FNTA: variants seen among roughly 807,000 people sequenced by gnomAD.
FNTA encodes farnesyltransferase, CAAX box, subunit alpha.
FNTA carries 27 observed loss-of-function variants against 55.2 expected under a neutral mutation model. The ratio of observed to expected loss-of-function variants is 0.49; its 90% CI spans 0.36 to 0.67. FNTA has a LOEUF of 0.67. FNTA is among the 30% of genes least tolerant of loss of function. The pLI is 0.00. For missense variants in FNTA, 422 were observed against 464.7 expected (o/e 0.91, Z 0.85); for synonymous variants, 176 against 170.7 (o/e 1.03, Z -0.24).
At chr8:43,082,447 G>A (rs1177344927) in intron 6 of FNTA, 1 of 152,214 alleles carries the variant, frequency 6.6e-6, no homozygotes, top group Non-Finnish European at 1.5e-5. Flanking sequence ...TGGGACGTAA[G>A]TAGAGCTTAG....
chr8:43,072,371 CTT>C, intron 5 of FNTA, 64 bp downstream of exon 5: 1 of 1,261,840 alleles, frequency 7.9e-7, no homozygotes, highest in East Asian at 2.7e-5. Flanking sequence ...TAAAATTACT[CTT>C]AAAGTCTGTT....
intron 4 of FNTA, 85 bp from the exon 5 acceptor site, chr8:43,072,096 C>A (rs1485979137): frequency 1.9e-6 from 2 of 1,070,114 alleles, no homozygotes; most frequent in East Asian, 2.9e-5. Flanking sequence ...TGTGTCCTTT[C>A]ATGTCACCTT....
intron 2 of FNTA, among the ~76,000 whole-genome samples, chr8:43,060,142 G>A (rs1165559262): frequency 6.6e-6 from 1 of 152,112 alleles, no homozygotes; most frequent in East Asian, 1.9e-4. Context: ...TAAGGAGAAG[G>A]TCAGAATATA....
chr8:43,056,415 G>C lies in FNTA; in HGVS notation c.69G>C (p.Pro23=), dbSNP rs763928389. The stretch of plus-strand genomic sequence containing the variant: ...AGCCCGGGCAGCCGGCGCAACCCCC[G>C]CCCCAGCCGCACCCACCGCCGCCCC... ...GGEPGQPAQP[P]PQPHPPPPQQ... Residue 23 remains proline (P), a synonymous_variant, in exon 1 of 9, where the codon CCG becomes CCC. Coordinates refer to ENST00000302279, the MANE Select transcript of FNTA (RefSeq NM_002027.3). The C allele has an allele frequency of 2.0e-5, 30 of 1,521,172 alleles. No individual in the cohort carries two copies. The Admixed American group carries it at 5.2e-4, about 26-fold the overall frequency. The allele number at this position is 1,521,172 out of a possible 1,614,324, so 94.2% of individuals were successfully genotyped here. A position where few individuals can be genotyped will look rare whatever the true frequency, so the allele number is the denominator to read the frequency against.
At chr8:43,060,904 A>G (rs1490627393) in intron 2 of FNTA, among the ~76,000 whole-genome samples, 3 of 152,164 alleles carry the variant, frequency 2.0e-5, no homozygotes, top group African/African-American at 7.2e-5. Flanking sequence ...TTACAACAGG[A>G]TAAGGAGACA....
At chr8:43,065,940 T>A (rs906176280) in intron 3 of FNTA, among the ~76,000 whole-genome samples, 1 of 151,424 alleles carries the variant, frequency 6.6e-6, no homozygotes, top group Non-Finnish European at 1.5e-5. Context: ...ATTTTAAAAC[T>A]CTTTTTCTGT....
At position 43,083,133 on chromosome 8, in the gene FNTA, G is replaced by T; in HGVS notation, c.798G>T (p.Met266Ile). 6.3e-7 allele frequency: 1 copy of T among 1,585,444 alleles called. No homozygotes were observed. Among genetic ancestry groups the T allele is most frequent in the Non-Finnish European group, 8.6e-7 (1 of 1,164,930 alleles). The change falls in exon 7 of 9, where the codon ATG (methionine) becomes ATT (isoleucine). Residue 266 changes from methionine to isoleucine, a missense_variant. By Grantham distance (10) the Met-to-Ile change is conservative. Transcript: ENST00000302279. ...TTTCTTGCAGATACACTCTGGAAAT[G>T]ATTAAACTAGTACCACATAATGAAA... ...LEREVQYTLE[M>I]IKLVPHNESA...
Position 43,077,345 on chromosome 8 carries a change from G to A in FNTA, c.763G>A (p.Val255Ile), listed in dbSNP as rs1455704714. 1 of 1,610,134 alleles carries A rather than the reference G, an allele frequency of 6.2e-7. No homozygotes were observed. Among genetic ancestry groups the A allele is most frequent in the Admixed American group, 1.7e-5 (1 of 59,308 alleles). Residue 255 changes from valine to isoleucine, a missense_variant, in exon 6 of 9, where the codon GTA becomes ATA. Physicochemically the swap from Val to Ile is conservative, Grantham distance 29. Transcript: ENST00000302279. Reference protein sequence around the residue: ...SNTTGYNDRAVLEREVQYTLE... With the variant: ...SNTTGYNDRAILEREVQYTLE... ...CACCACTGGCTACAATGATCGTGCT[G>A]TATTGGAGAGAGAAGTCCAGTTAGT...
chr8:43,061,258 C>T (rs970312567), intron 2 of FNTA, among the ~76,000 whole-genome samples: 10 of 152,194 alleles, frequency 6.6e-5, no homozygotes, highest in Non-Finnish European at 1.3e-4. Flanking sequence ...CATTCTGGCA[C>T]ATGGCATGAG....
In FNTA at chr8:43,072,190, G is replaced by A. The variant is rs1810807817; in HGVS notation, c.516G>A (p.Arg172=). 1 of 1,543,400 alleles carries A rather than the reference G, an allele frequency of 6.5e-7. No individual in the cohort carries two copies. Among genetic ancestry groups the A allele is most frequent in the Non-Finnish European group, 8.7e-7 (1 of 1,144,952 alleles). The change falls in exon 5 of 9, where the codon AGG becomes AGA. Residue 172 remains arginine (R), a synonymous_variant. Transcript: ENST00000302279. Reference sequence around the variant, plus strand: ...CTTCTTTGGGCTTTAGGCATCATAGGCGAGTATTAGTGGAATGGCTAAGAG... The same window carrying A: ...CTTCTTTGGGCTTTAGGCATCATAGACGAGTATTAGTGGAATGGCTAAGAG... ...QPKNYQVWHH[R]RVLVEWLRDP...
At position 43,069,967 on chromosome 8, in the gene FNTA, A is replaced by G. The variant is rs1563327838; in HGVS notation, c.506+308A>G. 14 of 195,730 alleles carry G rather than the reference A, an allele frequency of 7.2e-5. No individual in the cohort carries two copies. In the South Asian group the frequency reaches 9.7e-4, roughly 14 times the overall value. 12.1% of individuals were successfully genotyped at this position (195,730 alleles called of 1,614,324 possible). On this transcript the variant is annotated intron_variant, in intron 4 of 8. Coordinates refer to ENST00000302279, the MANE Select transcript of FNTA (RefSeq NM_002027.3). Reference sequence around the variant, plus strand: ...CCTAGAATTTTATTTAAAAACTACCACTGTAGCCAGGTGCAGTGGCTTCTG... The same window carrying G: ...CCTAGAATTTTATTTAAAAACTACCGCTGTAGCCAGGTGCAGTGGCTTCTG...
intron 2 of FNTA, among the ~76,000 whole-genome samples, chr8:43,062,483 T>C (rs1183426313): frequency 6.6e-6 from 1 of 152,110 alleles, no homozygotes; most frequent in Admixed American, 6.6e-5. Context: ...GGTTTCACCA[T>C]GTTGGTCAGG....
intron 7 of FNTA, among the ~76,000 whole-genome samples, chr8:43,083,476 C>T (rs1811064224): frequency 6.6e-6 from 1 of 152,176 alleles, no homozygotes; most frequent in Non-Finnish European, 1.5e-5. Flanking sequence ...CACACACCCC[C>T]AGGCTCTAGT....
At chr8:43,064,041 A>G in intron 2 of FNTA, 60 bp from the exon 3 acceptor site, 1 of 999,378 alleles carries the variant, frequency 1.0e-6, no homozygotes, top group Non-Finnish European at 1.6e-6. Context: ...GTGACATTAT[A>G]CATTATAGTG....
chr8:43,059,805 AT>A (rs56369966), intron 2 of FNTA, among the ~76,000 whole-genome samples: 132,491 of 152,032 alleles, frequency 0.87, 58,576 homozygotes, highest in Non-Finnish European at 0.96. Context: ...TTACAAAAGC[AT>A]TTTTTTTCTG....
At position 43,072,294 on chromosome 8, in the gene FNTA, A is replaced by T; in HGVS notation, c.620A>T (p.Gln207Leu). The change falls in exon 5 of 9, where the codon CAA becomes CTA. Residue 207 changes from glutamine to leucine, a missense_variant. By Grantham distance (113) the Gln-to-Leu change is moderately radical. Coordinates refer to ENST00000302279, the MANE Select transcript of FNTA (RefSeq NM_002027.3). ...AKNYHAWQHR[Q>L]WVIQEFKLWD... is the part of the protein sequence containing the mutation. ...AATTATCATGCCTGGCAGCATCGAC[A>T]ATGGGTTATTCAGGTATTGCCTTTC... The T allele has an allele frequency of 8.2e-6, 13 of 1,583,018 alleles. No homozygotes were observed. The highest frequency in any genetic ancestry group is 1.1e-5 in the Non-Finnish European group (13 of 1,165,620).
intron 1 of FNTA, among the ~76,000 whole-genome samples, chr8:43,058,521 C>T (rs911304212): frequency 2.6e-5 from 4 of 152,114 alleles, no homozygotes; most frequent in African/African-American, 7.2e-5. Flanking sequence ...CCTGTAATGC[C>T]AGCACTTTGG....
In FNTA at chr8:43,059,192, A is replaced by C. The variant is rs1187885523; in HGVS notation, c.286+15A>C. On this transcript the variant is annotated intron_variant, in intron 2 of 8. Transcript: ENST00000302279. ...TAGTGACAAATGTAAGTTTGTTTAT[A>C]TTAGGAAAAGGTCTGTAAGTTAAAT... 6.3e-7 allele frequency: 1 copy of C among 1,585,966 alleles called. No homozygotes were observed. The highest frequency in any genetic ancestry group is 8.6e-7 in the Non-Finnish European group (1 of 1,158,878).
chr8:43,084,166 C>T (rs1811079388), intron 7 of FNTA, among the ~76,000 whole-genome samples: 2 of 149,424 alleles, frequency 1.3e-5, no homozygotes, highest in Middle Eastern at 3.5e-3. Context: ...TATAAATGAA[C>T]ACTTTTAAAC....
Sources: allele counts gnomAD v4.1 joint callset (sites outside exome capture counted in the v4.1 genomes callset), GRCh38; gene constraint gnomAD v4.1.1; transcripts MANE v1.5; gene names NCBI Gene and HGNC (gene_info 2026-07-23, HGNC 2026-07-21).